The following BBS4 variants were observed in gnomAD, a reference collection of about 807,000 sequenced individuals.
BBS4 encodes Bardet-Biedl syndrome 4.
BBS4 carries 58 observed loss-of-function variants against 71.4 expected under a neutral mutation model. The ratio of observed to expected loss-of-function variants is 0.81; its 90% CI spans 0.66 to 1.01. The LOEUF is 1.01. Ranked by LOEUF, BBS4 falls within the 50% of genes least tolerant of loss-of-function variation. The pLI, the probability that BBS4 is intolerant of heterozygous loss-of-function variation, is 0.00. For synonymous variants in BBS4, 228 were observed against 216.8 expected (o/e 1.05, Z -0.46); for missense variants, 660 against 607.9 (o/e 1.09, Z -0.90).
intron 12 of BBS4, among the ~76,000 whole-genome samples, chr15:72,733,568 C>T (rs1479975178): frequency 2.0e-5 from 3 of 151,990 alleles, no homozygotes; most frequent in Non-Finnish European, 4.4e-5. Flanking sequence ...AGGATGGTGG[C>T]CTCCAGCTCC....
At position 72,716,737 on chromosome 15, in the gene BBS4, G is replaced by T. The variant is rs1312247558; in HGVS notation, c.333-41G>T. 2.8e-6 allele frequency: 4 copies of T among 1,441,162 alleles called. No individual in the cohort carries two copies. In the South Asian group the frequency reaches 4.7e-5, roughly 17 times the overall value. 89.3% of individuals were successfully genotyped at this position (1,441,162 alleles called of 1,614,324 possible). ...GGGACTAGTAGGGTTAGTCTTCTAA[G>T]AATTTTGAGGTAATAATTATGGAAA... On this transcript the variant is annotated intron_variant, in intron 5 of 15. Coordinates refer to ENST00000268057, the MANE Select transcript of BBS4 (RefSeq NM_033028.5).
In BBS4 at chr15:72,712,242, A is replaced by G. The variant is rs113994192; in HGVS notation, c.157-2A>G. On this transcript the variant is annotated splice_acceptor_variant, in intron 3 of 15. Transcript: ENST00000268057. LOFTEE classifies it high-confidence loss of function. ...TCAGAAGCATTTTTCTCCCTCTTTC[A>G]GGCTGTTATCAAAGAACAGCTTCAA... is the stretch of plus-strand genomic sequence containing the variant. 1.2e-6 allele frequency: 2 copies of G among 1,613,740 alleles called. No homozygotes were observed. The highest frequency in any genetic ancestry group is 1.7e-5 in the Admixed American group (1 of 60,012).
Position 72,737,741 on chromosome 15 carries a change from T to TA in BBS4, c.*155dup. 1 of 687,318 alleles carries TA rather than the reference T, an allele frequency of 1.5e-6. No individual in the cohort carries two copies. The highest frequency in any genetic ancestry group is 2.6e-6 in the Non-Finnish European group (1 of 384,224). 42.6% of individuals were successfully genotyped at this position (687,318 alleles called of 1,614,324 possible). On this transcript the variant is annotated 3_prime_UTR_variant, in exon 16 of 16. Transcript: ENST00000268057. Reference sequence around the variant, plus strand: ...CCAGCAGTTGAGCCTAAGGTCCTTCTACCTACCTGGTATTGGCATTTGAGG... The same window carrying TA: ...CCAGCAGTTGAGCCTAAGGTCCTTCTAACCTACCTGGTATTGGCATTTGAGG...
At chr15:72,705,587 C>CTTTTTTTTT (rs762708438) in intron 2 of BBS4, among the ~76,000 whole-genome samples, 24 of 86,858 alleles carry the variant, frequency 2.8e-4, no homozygotes, top group South Asian at 4.4e-4. Flanking sequence ...ATGGCTTGTC[C>CTTTTTTTTT]TTTTTTTTTT....
intron 2 of BBS4, among the ~76,000 whole-genome samples, chr15:72,696,193 G>A (rs1328225581): frequency 6.6e-6 from 1 of 152,104 alleles, no homozygotes; most frequent in African/African-American, 2.4e-5. Context: ...ATTTAGGATT[G>A]TCTGATTTCT....
At position 72,713,668 on chromosome 15, in the gene BBS4, C is replaced by T. The variant is rs113162443; in HGVS notation, c.220+1361C>T. 2.5e-3 allele frequency among the ~76,000 whole-genome samples: 386 copies of T among 152,242 alleles called. 3 individuals are homozygous for T. Among genetic ancestry groups the T allele is most frequent in the African/African-American group, 8.8e-3 (365 of 41,526 alleles). Reference sequence around the variant, plus strand: ...ATATGTAATTGTATATGCTGTACTTCTATGTGACTGGCAGCACAGTAGGTT... The same window carrying T: ...ATATGTAATTGTATATGCTGTACTTTTATGTGACTGGCAGCACAGTAGGTT... On this transcript the variant is annotated intron_variant, in intron 4 of 15. Coordinates refer to ENST00000268057, the MANE Select transcript of BBS4 (RefSeq NM_033028.5).
chr15:72,710,763 T>C (rs987906167), intron 3 of BBS4, among the ~76,000 whole-genome samples: 1 of 152,026 alleles, frequency 6.6e-6, no homozygotes, highest in African/African-American at 2.4e-5. Context: ...AACTAATTCA[T>C]ACTGGTATGA....
At chr15:72,692,534 A>C (rs1042039992) in intron 1 of BBS4, among the ~76,000 whole-genome samples, 1 of 151,688 alleles carries the variant, frequency 6.6e-6, no homozygotes, top group Admixed American at 6.6e-5. Context: ...GCTGGTCTTA[A>C]ACTCCTGAAC....
chr15:72,707,379 A>G (rs968210926), intron 2 of BBS4, among the ~76,000 whole-genome samples: 4 of 151,778 alleles, frequency 2.6e-5, no homozygotes, highest in African/African-American at 4.8e-5. Flanking sequence ...GGGTTTCACC[A>G]TGTTGTCCAG....
At chr15:72,696,601 A>G (rs761177070) in intron 2 of BBS4, among the ~76,000 whole-genome samples, 69 of 152,178 alleles carry the variant, frequency 4.5e-4, no homozygotes, top group Admixed American at 1.0e-3. Context: ...GGAATCATAC[A>G]TTATTATTAT....
At chr15:72,735,322 G>A (rs1187566532) in intron 13 of BBS4, 140 bp downstream of exon 13, 1 of 707,064 alleles carries the variant, frequency 1.4e-6, no homozygotes, top group Non-Finnish European at 2.6e-6. Context: ...CCTCAGTGTG[G>A]AGGGATGTGT....
chr15:72,686,676 T>A (rs2064850445), intron 1 of BBS4: 1 of 853,604 alleles, frequency 1.2e-6, no homozygotes, highest in African/African-American at 1.8e-5. Context: ...GGGACTGTGT[T>A]TTTTCTGTGG....
rs751237158 is a variant in BBS4 at position 72,735,142 on chromosome 15, A to G, written c.1066A>G (p.Asn356Asp). The G allele has an allele frequency of 1.2e-6, 2 of 1,613,732 alleles. No homozygotes were observed. Among genetic ancestry groups the G allele is most frequent in the Admixed American group, 3.3e-5 (2 of 59,988 alleles). ...TCTGACCAATCTGGAAGATATAGAA[A>G]ATGCCAAGAGAGCCTACGCAGAAGC... ...VALTNLEDIENAKRAYAEAVH... is the reference protein window; with the variant it reads ...VALTNLEDIEDAKRAYAEAVH... Residue 356 changes from asparagine to aspartate, a missense_variant, in exon 13 of 16, where the codon AAT (asparagine) becomes GAT (aspartate). By Grantham distance (23) the Asn-to-Asp change is conservative. Coordinates refer to ENST00000268057, the MANE Select transcript of BBS4 (RefSeq NM_033028.5).
At chr15:72,704,717 TA>T in intron 2 of BBS4, among the ~76,000 whole-genome samples, 1 of 152,110 alleles carries the variant, frequency 6.6e-6, no homozygotes, top group African/African-American at 2.4e-5. Flanking sequence ...CCATTTCTAC[TA>T]AAAATGCAAA....
chr15:72,689,956 G>A (rs989048362), intron 1 of BBS4, among the ~76,000 whole-genome samples: 1 of 151,950 alleles, frequency 6.6e-6, no homozygotes, highest in Non-Finnish European at 1.5e-5. Flanking sequence ...GACTACAGGC[G>A]CCTGCCACCA....
chr15:72,735,448 T>C, intron 13 of BBS4: 1 of 533,240 alleles, frequency 1.9e-6, no homozygotes, highest in South Asian at 2.0e-5. Context: ...CTTGGGTTGC[T>C]GATAGCTATG....
intron 2 of BBS4, among the ~76,000 whole-genome samples, chr15:72,696,734 T>A (rs764529839): frequency 3.3e-5 from 5 of 151,816 alleles, no homozygotes; most frequent in Non-Finnish European, 7.4e-5. Context: ...TACAGGTGCA[T>A]GCCGCCATGC....
At chr15:72,728,864 C>G (rs1313446712) in intron 9 of BBS4, among the ~76,000 whole-genome samples, 1 of 152,172 alleles carries the variant, frequency 6.6e-6, no homozygotes, top group Non-Finnish European at 1.5e-5. Context: ...GATTCTGCCT[C>G]CAGCCCTGCC....
At position 72,736,780 on chromosome 15, in the gene BBS4, A is replaced by G; in HGVS notation, c.1267A>G (p.Lys423Glu). The G allele has an allele frequency of 6.2e-7, 1 of 1,614,184 alleles. No individual in the cohort carries two copies. Among genetic ancestry groups the G allele is most frequent in the Non-Finnish European group, 8.5e-7 (1 of 1,180,020 alleles). The change falls in exon 15 of 16, where the codon AAG (lysine) becomes GAG (glutamate). Residue 423 changes from lysine to glutamate, a missense_variant. Transcript: ENST00000268057. Reference protein sequence around the residue: ...FDSEMVEMAQKLGAALQVGEA... With the variant: ...FDSEMVEMAQELGAALQVGEA... Reference sequence around the variant, plus strand: ...ACACAAGATGGTGGAGATGGCTCAGAAGTTGGGAGCTGCTCTCCAGGTTGG... The same window carrying G: ...ACACAAGATGGTGGAGATGGCTCAGGAGTTGGGAGCTGCTCTCCAGGTTGG...
Sources: allele counts gnomAD v4.1 joint callset (sites outside exome capture counted in the v4.1 genomes callset), GRCh38; gene constraint gnomAD v4.1.1; transcripts MANE v1.5; gene names NCBI Gene and HGNC (gene_info 2026-07-23, HGNC 2026-07-21).